Variants in STK38L observed in about 807,000 individuals in gnomAD.
STK38L encodes the protein serine/threonine-protein kinase 38-like.
A neutral mutation model predicts 59.7 loss-of-function variants in STK38L; 28 were observed. That is an observed-to-expected ratio of 0.47 (90% CI 0.35 to 0.64). The LOEUF (loss-of-function observed/expected upper bound fraction) is 0.64. Among genes scored for constraint, STK38L ranks in the 30% least tolerant of loss-of-function variants. The pLI, the probability that STK38L is intolerant of heterozygous loss-of-function variation, is 0.01. For synonymous variants in STK38L, 162 were observed against 176.8 expected, an observed-to-expected ratio of 0.92 and a Z score of 0.66; for missense variants, 314 against 555.8, an observed-to-expected ratio of 0.56 and a Z score of 4.37.
At chr12:27,257,995 G>A (rs1220535288) in intron 1 of STK38L, among the ~76,000 whole-genome samples, 1 of 151,772 alleles carries the variant, frequency 6.6e-6, no homozygotes, top group Admixed American at 6.6e-5. Context: ...CCAAGTTGCT[G>A]GGATGACAGG....
intron 12 of STK38L, among the ~76,000 whole-genome samples, chr12:27,321,032 G>C (rs1198062092): frequency 6.6e-6 from 1 of 152,004 alleles, no homozygotes; most frequent in Non-Finnish European, 1.5e-5. Context: ...TATAATGAGG[G>C]AACAGTCATG....
intron 1 of STK38L, among the ~76,000 whole-genome samples, chr12:27,271,582 C>T (rs1373476071): frequency 6.6e-6 from 1 of 152,118 alleles, no homozygotes; most frequent in Non-Finnish European, 1.5e-5. Context: ...CAGAGGACTC[C>T]GATTGGTTTT....
intron 1 of STK38L, among the ~76,000 whole-genome samples, chr12:27,296,389 G>T (rs572381320): frequency 2.0e-5 from 3 of 152,314 alleles, no homozygotes; most frequent in Admixed American, 2.0e-4. Flanking sequence ...TGATTCTGAG[G>T]CTCAAGCAGT....
intron 5 of STK38L, among the ~76,000 whole-genome samples, chr12:27,311,886 T>C (rs1944462264): frequency 1.3e-5 from 2 of 152,010 alleles, no homozygotes; most frequent in South Asian, 4.1e-4. Context: ...CATTGCTTAC[T>C]CTTTTTTTTT....
At chr12:27,318,289 G>A (rs926809475) in intron 11 of STK38L, among the ~76,000 whole-genome samples, 2 of 152,200 alleles carry the variant, frequency 1.3e-5, no homozygotes, top group African/African-American at 4.8e-5. Flanking sequence ...GCAATGACCT[G>A]ATTCCATTAA....
chr12:27,315,209 G>A (rs1565555441), intron 8 of STK38L, 80 bp from the exon 9 acceptor site: 1 of 1,570,758 alleles, frequency 6.4e-7, no homozygotes, highest in Non-Finnish European at 8.8e-7. Flanking sequence ...TTAATCCACT[G>A]TGTTTTAGAT....
chr12:27,289,872 C>G (rs1386376194), intron 1 of STK38L, among the ~76,000 whole-genome samples: 1 of 152,096 alleles, frequency 6.6e-6, no homozygotes, highest in Non-Finnish European at 1.5e-5. Context: ...TTAAATATTT[C>G]TTTTTGCTAC....
chr12:27,319,492 A>G (rs920421177), intron 12 of STK38L, 69 bp downstream of exon 12: 2 of 1,035,246 alleles, frequency 1.9e-6, no homozygotes, highest in Admixed American at 3.9e-5. Context: ...CAATTAATTT[A>G]CCTCTGATTC....
chr12:27,254,263 A>G (rs1943038682), intron 1 of STK38L, among the ~76,000 whole-genome samples: 1 of 152,204 alleles, frequency 6.6e-6, no homozygotes, highest in Non-Finnish European at 1.5e-5. Context: ...TGTAATACCT[A>G]ATAATGAAGT....
chr12:27,260,114 A>G (rs1943174734), intron 1 of STK38L, among the ~76,000 whole-genome samples: 2 of 151,922 alleles, frequency 1.3e-5, no homozygotes, highest in East Asian at 1.9e-4. Flanking sequence ...CACCACCACC[A>G]TGTTTTTCTG....
intron 9 of STK38L, among the ~76,000 whole-genome samples, chr12:27,315,635 G>A (rs1383924342): frequency 6.6e-6 from 1 of 152,174 alleles, no homozygotes; most frequent in African/African-American, 2.4e-5. Context: ...TGAGGTGAAT[G>A]CAATTGTAAT....
intron 9 of STK38L, among the ~76,000 whole-genome samples, chr12:27,315,989 A>G (rs1944576659): frequency 6.6e-6 from 1 of 152,222 alleles, no homozygotes. Flanking sequence ...TCTACAGGTT[A>G]AGAATGTGCC....
intron 10 of STK38L, 107 bp downstream of exon 10, chr12:27,317,560 C>T: frequency 1.1e-6 from 1 of 945,046 alleles, no homozygotes; most frequent in South Asian, 1.6e-5. Flanking sequence ...GTCTTTTAAG[C>T]TTAATTCTGA....
chr12:27,288,248 A>T (rs1943820453), intron 1 of STK38L, among the ~76,000 whole-genome samples: 1 of 152,160 alleles, frequency 6.6e-6, no homozygotes, highest in African/African-American at 2.4e-5. Flanking sequence ...TGTGAACAGG[A>T]TTATTTTTCC....
chr12:27,312,752 A>C, intron 6 of STK38L, 80 bp downstream of exon 6: 1 of 1,535,484 alleles, frequency 6.5e-7, no homozygotes, highest in Non-Finnish European at 8.8e-7. Context: ...GGTGAGGTTT[A>C]CTTTTATATT....
intron 1 of STK38L, among the ~76,000 whole-genome samples, chr12:27,261,043 C>G (rs760221321): frequency 2.0e-5 from 3 of 152,154 alleles, no homozygotes; most frequent in Admixed American, 2.0e-4. Context: ...TGTTTCCATT[C>G]CCAGCTATTG....
intron 1 of STK38L, among the ~76,000 whole-genome samples, chr12:27,252,420 A>AC (rs5797223): frequency 0.31 from 47,611 of 152,114 alleles, 7,985 homozygotes; most frequent in East Asian, 0.53. Flanking sequence ...ACTATCTTGT[A>AC]CTAGTGTCTG....
chr12:27,271,200 G>T (rs541152521), intron 1 of STK38L, among the ~76,000 whole-genome samples: 1 of 152,376 alleles, frequency 6.6e-6, no homozygotes, highest in South Asian at 2.1e-4. Context: ...TTCAAAGTCA[G>T]CCAGTCTAGT....
intron 1 of STK38L, among the ~76,000 whole-genome samples, chr12:27,257,759 C>T (rs1376776043): frequency 6.6e-6 from 1 of 152,128 alleles, no homozygotes; most frequent in Non-Finnish European, 1.5e-5. Context: ...ATGGCATTCA[C>T]CTTCCTTGTG....
Sources: allele counts gnomAD v4.1 joint callset (sites outside exome capture counted in the v4.1 genomes callset), GRCh38; gene constraint gnomAD v4.1.1; transcripts MANE v1.5; gene names NCBI Gene and HGNC (gene_info 2026-07-23, HGNC 2026-07-21).